PITPNC1: variants seen among roughly 807,000 people sequenced by gnomAD.
PITPNC1 encodes cytoplasmic phosphatidylinositol transfer protein 1.
A neutral mutation model predicts 44.7 loss-of-function variants in PITPNC1; 18 were observed. That is an observed-to-expected ratio of 0.40 (90% CI 0.28 to 0.60). The LOEUF is 0.60. Among genes scored for constraint, PITPNC1 ranks in the 20% least tolerant of loss-of-function variants. The pLI is 0.39. For missense variants in PITPNC1, 290 were observed against 418.4 expected (o/e 0.69, Z 2.68); for synonymous variants, 141 against 149.6 (o/e 0.94, Z 0.42).
rs1202215537 is a variant in PITPNC1, at chr17:67,379,794, A to G, written c.48+1592A>G. On this transcript the variant is annotated intron_variant, in intron 1 of 8. Transcript: ENST00000581322. ...TATCCTAATGACCTTGTTTTTTGAT[A>G]TGAGTTTGGATTCTAGGAGCAATGT... Among the ~76,000 whole-genome samples, 2 of 152,150 alleles carry G rather than the reference A, an allele frequency of 1.3e-5. 1 individual carries two copies. The highest frequency in any genetic ancestry group is 3.9e-4 in the East Asian group (2 of 5,188).
chr17:67,645,985 C>T (rs567148963), intron 6 of PITPNC1, among the ~76,000 whole-genome samples: 15 of 152,210 alleles, frequency 9.9e-5, no homozygotes, highest in African/African-American at 2.2e-4. Context: ...ATTAGACAGG[C>T]GTGGTGGCGG....
intron 2 of PITPNC1, among the ~76,000 whole-genome samples, chr17:67,546,909 G>A (rs1219662802): frequency 6.6e-6 from 1 of 152,202 alleles, no homozygotes; most frequent in Non-Finnish European, 1.5e-5. Context: ...ACTTAGAAGA[G>A]TAACTAAATG....
At chr17:67,460,552 T>C (rs2039320715) in intron 1 of PITPNC1, among the ~76,000 whole-genome samples, 2 of 150,304 alleles carry the variant, frequency 1.3e-5, no homozygotes, top group Non-Finnish European at 3.0e-5. Context: ...GCCTCCCGAG[T>C]AGCTGGGATG....
chr17:67,485,200 C>T (rs17727759), intron 1 of PITPNC1, among the ~76,000 whole-genome samples: 7,489 of 151,750 alleles, frequency 0.049, 252 homozygotes, highest in Middle Eastern at 0.12. Flanking sequence ...GTTTGGTTCC[C>T]GGTGGTGATG....
chr17:67,589,294 C>T (rs2041359928), intron 5 of PITPNC1, among the ~76,000 whole-genome samples: 1 of 152,208 alleles, frequency 6.6e-6, no homozygotes, highest in African/African-American at 2.4e-5. Flanking sequence ...AGTGACAACA[C>T]AGCTTACCTC....
chr17:67,489,806 G>A (rs1323023734), intron 1 of PITPNC1, among the ~76,000 whole-genome samples: 1 of 152,018 alleles, frequency 6.6e-6, no homozygotes, highest in Non-Finnish European at 1.5e-5. Context: ...TGCAGTGATA[G>A]GATCTTGGCT....
chr17:67,410,406 T>C (rs960199999), intron 1 of PITPNC1, among the ~76,000 whole-genome samples: 7 of 152,108 alleles, frequency 4.6e-5, no homozygotes, highest in Admixed American at 2.6e-4. Context: ...TGAGACAGGG[T>C]CTCACTCTGT....
At chr17:67,539,579 C>T (rs1264261263) in intron 2 of PITPNC1, among the ~76,000 whole-genome samples, 1 of 152,236 alleles carries the variant, frequency 6.6e-6, no homozygotes, top group African/African-American at 2.4e-5. Flanking sequence ...TGGCTCACGC[C>T]TGTAATCCCA....
In PITPNC1 at chr17:67,501,190, G is replaced by T. The variant is rs115171881; in HGVS notation, c.49-31612G>T. ...GCCACAATCCACAGGCCACCTAGAG[G>T]ATAGCATTTCATGCATCGCAGTTCG... On this transcript the variant is annotated intron_variant, in intron 1 of 8. Coordinates refer to ENST00000581322, the MANE Select transcript of PITPNC1 (RefSeq NM_012417.4). Among the ~76,000 whole-genome samples, 709 of 152,272 alleles carry T rather than the reference G, an allele frequency of 4.7e-3. 7 individuals are homozygous for T. The highest frequency in any genetic ancestry group is 0.015 in the African/African-American group (641 of 41,554).
At chr17:67,654,660 T>C (rs1399856254) in intron 6 of PITPNC1, among the ~76,000 whole-genome samples, 1 of 152,128 alleles carries the variant, frequency 6.6e-6, no homozygotes, top group Admixed American at 6.6e-5. Flanking sequence ...TGAGATGGAA[T>C]CTCCCTCTAT....
intron 5 of PITPNC1, among the ~76,000 whole-genome samples, chr17:67,583,797 G>A (rs1359894822): frequency 6.7e-6 from 1 of 148,814 alleles, no homozygotes; most frequent in African/African-American, 2.5e-5. Context: ...CCAGGTTCAC[G>A]CTATTCTCCT....
intron 1 of PITPNC1, among the ~76,000 whole-genome samples, chr17:67,385,423 T>TG (rs2038027511): frequency 6.6e-6 from 1 of 152,052 alleles, no homozygotes; most frequent in Non-Finnish European, 1.5e-5. Flanking sequence ...CTCTGTAAAA[T>TG]GGACCAATCA....
At chr17:67,476,347 C>T (rs140834054) in intron 1 of PITPNC1, among the ~76,000 whole-genome samples, 1,751 of 152,140 alleles carry the variant, frequency 0.012, 45 homozygotes, top group African/African-American at 0.04. Flanking sequence ...CCACCATGCC[C>T]GGCTAATTTT....
intron 5 of PITPNC1, among the ~76,000 whole-genome samples, chr17:67,580,307 T>A (rs2041212077): frequency 6.6e-6 from 1 of 152,196 alleles, no homozygotes; most frequent in South Asian, 2.1e-4. Context: ...GTTCAGTTGC[T>A]TGAATTGCTT....
intron 7 of PITPNC1, among the ~76,000 whole-genome samples, chr17:67,669,905 C>G (rs937114378): frequency 9.2e-5 from 14 of 151,912 alleles, no homozygotes; most frequent in Admixed American, 2.6e-4. Flanking sequence ...AACCCTGTCT[C>G]TACTAAAAAT....
intron 1 of PITPNC1, among the ~76,000 whole-genome samples, chr17:67,405,284 G>T (rs1414336988): frequency 5.9e-5 from 9 of 151,902 alleles, no homozygotes; most frequent in Admixed American, 5.9e-4. Context: ...AGGCGCAGTG[G>T]CTCATGACTG....
intron 5 of PITPNC1, among the ~76,000 whole-genome samples, chr17:67,621,454 T>C (rs1027001581): frequency 1.3e-5 from 2 of 152,120 alleles, no homozygotes; most frequent in African/African-American, 2.4e-5. Context: ...GTGATCCACG[T>C]GCCTTGGCCT....
At chr17:67,381,220 T>C (rs2037953336) in intron 1 of PITPNC1, among the ~76,000 whole-genome samples, 1 of 148,102 alleles carries the variant, frequency 6.8e-6, no homozygotes, top group Admixed American at 6.8e-5. Context: ...CCTAGCTACT[T>C]GGGACGCTGA....
At chr17:67,493,308 C>T (rs1490172572) in intron 1 of PITPNC1, among the ~76,000 whole-genome samples, 1 of 152,154 alleles carries the variant, frequency 6.6e-6, no homozygotes, top group African/African-American at 2.4e-5. Flanking sequence ...TTCTGGGAAT[C>T]GGAGAGGCTG....
Sources: gnomAD v4.1 joint callset for allele counts (sites outside exome capture counted in the v4.1 genomes callset) on GRCh38, gnomAD v4.1.1 for gene constraint, MANE v1.5 for transcripts, NCBI Gene and HGNC (gene_info 2026-07-23, HGNC 2026-07-21) for gene names.